SNTG1: variants seen among roughly 807,000 people sequenced by gnomAD.
The protein encoded by SNTG1 is syntrophin gamma 1, also known as gamma-1-syntrophin.
In SNTG1, 39 loss-of-function variants were observed where a neutral mutation model predicts 74.7. That is an observed-to-expected ratio of 0.52 (90% CI 0.40 to 0.68). The LOEUF (loss-of-function observed/expected upper bound fraction) is 0.68, where lower values mean the gene tolerates loss of function less well. SNTG1 is among the 30% of genes least tolerant of loss of function. The pLI is 0.00. For synonymous variants in SNTG1, 254 were observed against 217.1 expected (o/e 1.17, Z -1.49); for missense variants, 685 against 609.5 (o/e 1.12, Z -1.30).
chr8:50,053,688 C>T (rs544389934), intron 1 of SNTG1, among the ~76,000 whole-genome samples: 5 of 134,340 alleles, frequency 3.7e-5, no homozygotes, highest in African/African-American at 1.2e-4. Context: ...TGGATAGAAT[C>T]CTGGATTGTT....
intron 18 of SNTG1, among the ~76,000 whole-genome samples, chr8:50,781,895 G>T (rs1404687927): frequency 2.6e-5 from 4 of 152,092 alleles, no homozygotes; most frequent in Non-Finnish European, 5.9e-5. Context: ...TTTAGGGTAG[G>T]CCTGGTGGTG....
intron 1 of SNTG1, among the ~76,000 whole-genome samples, chr8:50,134,693 AGTAT>A (rs2081416274): frequency 6.6e-6 from 1 of 152,068 alleles, no homozygotes; most frequent in Non-Finnish European, 1.5e-5. Flanking sequence ...CTGAGGTGTG[AGTAT>A]GTACTTTAGG....
At chr8:50,178,694 T>C (rs941653893) in intron 2 of SNTG1, among the ~76,000 whole-genome samples, 1 of 152,148 alleles carries the variant, frequency 6.6e-6, no homozygotes, top group African/African-American at 2.4e-5. Context: ...AGCCTTCTTA[T>C]GCATGTTCTG....
At chr8:50,108,972 G>T (rs1290585550) in intron 1 of SNTG1, among the ~76,000 whole-genome samples, 1 of 152,100 alleles carries the variant, frequency 6.6e-6, no homozygotes, top group African/African-American at 2.4e-5. Flanking sequence ...TGGAAAAGGC[G>T]GGTAGGCAGG....
rs76388419 is a variant in SNTG1 at position 50,680,051 on chromosome 8, A to G, written c.1038+21388A>G. Among the ~76,000 whole-genome samples, 774 of 152,244 alleles carry G rather than the reference A, an allele frequency of 5.1e-3. 5 individuals carry two copies. Among genetic ancestry groups the G allele is most frequent in the Non-Finnish European group, 7.9e-3 (537 of 68,022 alleles). The stretch of plus-strand genomic sequence containing the variant: ...ATATAGCCTTGGCCTGTTAACCCTT[A>G]GAGTTCTCCTCTTTCTCCACTGCCC... On this transcript the variant is annotated intron_variant, in intron 15 of 18. Coordinates refer to ENST00000642720, the MANE Select transcript of SNTG1 (RefSeq NM_018967.5).
chr8:50,573,685 A>T (rs573558037), intron 12 of SNTG1, among the ~76,000 whole-genome samples: 25 of 151,788 alleles, frequency 1.6e-4, no homozygotes, highest in Non-Finnish European at 3.2e-4. Context: ...ATATTGTTTG[A>T]TTTGTAATAT....
chr8:50,479,443 T>C (rs889222607), intron 8 of SNTG1, among the ~76,000 whole-genome samples: 1 of 152,156 alleles, frequency 6.6e-6, no homozygotes, highest in Non-Finnish European at 1.5e-5. Context: ...GAATTTGAAA[T>C]TAATTTTCTT....
At chr8:50,321,228 A>G (rs1056399864) in intron 2 of SNTG1, among the ~76,000 whole-genome samples, 3 of 152,122 alleles carry the variant, frequency 2.0e-5, no homozygotes, top group African/African-American at 7.2e-5. Context: ...TGTTGGGTGC[A>G]TATATATGAA....
intron 1 of SNTG1, among the ~76,000 whole-genome samples, chr8:50,018,503 G>A (rs578135895): frequency 1.3e-5 from 2 of 151,962 alleles, no homozygotes; most frequent in South Asian, 2.1e-4. Flanking sequence ...ATGGACTGTA[G>A]ACATGAATGT....
chr8:50,731,813 A>G (rs1256314909), intron 17 of SNTG1, among the ~76,000 whole-genome samples: 1 of 152,156 alleles, frequency 6.6e-6, no homozygotes, highest in African/African-American at 2.4e-5. Context: ...TAAGACTGCC[A>G]ATAAGTCCTT....
chr8:50,792,504 G>A lies in SNTG1; in HGVS notation c.1396-167G>A, dbSNP rs1244256733. Among the ~76,000 whole-genome samples the A allele has an allele frequency of 4.6e-5, 7 of 151,626 alleles. 1 individual carries two copies. Among genetic ancestry groups the A allele is most frequent in the South Asian group, 4.2e-4 (2 of 4,816 alleles). ...ATTGAAATAAATTTTCACTACTTAC[G>A]ATGTTTACACGTTGACCAAAAATGT... On this transcript the variant is annotated intron_variant, in intron 18 of 18. Transcript: ENST00000642720.
At chr8:50,272,420 T>C (rs1019926592) in intron 2 of SNTG1, among the ~76,000 whole-genome samples, 4 of 152,170 alleles carry the variant, frequency 2.6e-5, no homozygotes, top group African/African-American at 9.7e-5. Flanking sequence ...TCAGCTTCTT[T>C]GATTCCTGGG....
chr8:50,074,141 T>C (rs149236624), intron 1 of SNTG1, among the ~76,000 whole-genome samples: 2 of 152,242 alleles, frequency 1.3e-5, no homozygotes, highest in African/African-American at 4.8e-5. Context: ...ATCTGTTGTT[T>C]AGTGTAACCA....
intron 1 of SNTG1, among the ~76,000 whole-genome samples, chr8:50,124,536 A>G (rs774595452): frequency 7.0e-6 from 1 of 142,752 alleles, no homozygotes; most frequent in Non-Finnish European, 1.6e-5. Flanking sequence ...AACGTTGCAT[A>G]TTAATAAAGC....
At chr8:49,938,399 G>A (rs1808281376) in intron 1 of SNTG1, among the ~76,000 whole-genome samples, 1 of 152,196 alleles carries the variant, frequency 6.6e-6, no homozygotes, top group African/African-American at 2.4e-5. Context: ...AAAGGAGCAT[G>A]TGCATGTTTA....
rs77598220 is a variant in SNTG1, at chr8:50,717,426, A to G, written c.1284+8448A>G. Among the ~76,000 whole-genome samples, 34 of 152,340 alleles carry G rather than the reference A, an allele frequency of 2.2e-4. No individual in the cohort carries two copies. In the East Asian group the frequency reaches 6.4e-3, roughly 29 times the overall value. On this transcript the variant is annotated intron_variant, in intron 17 of 18. Coordinates refer to ENST00000642720, the MANE Select transcript of SNTG1 (RefSeq NM_018967.5). ...CCTGCATGAATTGAATGGGAATGATATAACTTTGCTTTTCCTTACAGCGTT... is the reference window on the plus strand; with the variant it reads ...CCTGCATGAATTGAATGGGAATGATGTAACTTTGCTTTTCCTTACAGCGTT...
chr8:50,502,004 T>A (rs911136123), intron 8 of SNTG1, among the ~76,000 whole-genome samples: 67 of 152,256 alleles, frequency 4.4e-4, no homozygotes, highest in African/African-American at 1.2e-3. Context: ...TAATTTTTTT[T>A]AAATTTTAAA....
chr8:50,107,661 C>T (rs1203335192), intron 1 of SNTG1, among the ~76,000 whole-genome samples: 1 of 151,974 alleles, frequency 6.6e-6, no homozygotes, highest in Non-Finnish European at 1.5e-5. Context: ...AGCAATTCTC[C>T]TGCCTTAGCC....
chr8:50,723,411 A>G (rs2095492445), intron 17 of SNTG1, among the ~76,000 whole-genome samples: 1 of 152,164 alleles, frequency 6.6e-6, no homozygotes, highest in African/African-American at 2.4e-5. Flanking sequence ...AGTTCTCGAG[A>G]GAAGACAGAG....
Sources: allele counts gnomAD v4.1 joint callset (sites outside exome capture counted in the v4.1 genomes callset), GRCh38; gene constraint gnomAD v4.1.1; transcripts MANE v1.5; gene names NCBI Gene and HGNC (gene_info 2026-07-23, HGNC 2026-07-21).